NTM: variants seen among roughly 807,000 people sequenced by gnomAD.
NTM encodes the protein IgLON family member 2.
Under a neutral mutation model 42.1 loss-of-function variants are expected in NTM, and 13 were observed. That is an observed-to-expected ratio of 0.31 (90% CI 0.20 to 0.49). NTM has a LOEUF of 0.49. Ranked by LOEUF, NTM falls within the 20% of genes least tolerant of loss-of-function variation. NTM has a pLI of 0.99. For synonymous variants in NTM, 187 were observed against 179.2 expected (o/e 1.04, Z -0.35); for missense variants, 373 against 452.8 (o/e 0.82, Z 1.60).
chr11:131,778,770 G>T (rs2135985906), intron 1 of NTM, among the ~76,000 whole-genome samples: 1 of 152,164 alleles, frequency 6.6e-6, no homozygotes, highest in African/African-American at 2.4e-5. Context: ...GTTAACTATT[G>T]TAGTAGGGAG....
chr11:131,578,914 G>A (rs1032131631), intron 1 of NTM, among the ~76,000 whole-genome samples: 3 of 152,176 alleles, frequency 2.0e-5, no homozygotes, highest in Non-Finnish European at 4.4e-5. Flanking sequence ...GGTTCACAAG[G>A]CCTGGAAGCT....
intron 1 of NTM, among the ~76,000 whole-genome samples, chr11:131,438,356 G>C (rs1949321859): frequency 6.6e-6 from 1 of 151,448 alleles, no homozygotes; most frequent in South Asian, 2.1e-4. Flanking sequence ...AGTTCTCCTG[G>C]ATAATGTCCT....
chr11:131,618,071 A>T (rs184234916), intron 1 of NTM, among the ~76,000 whole-genome samples: 1 of 152,172 alleles, frequency 6.6e-6, no homozygotes, highest in Non-Finnish European at 1.5e-5. Flanking sequence ...CAATCCCAGA[A>T]AGGCTTGAGG....
At chr11:131,901,623 A>G (rs1378529714) in intron 1 of NTM, among the ~76,000 whole-genome samples, 1 of 151,936 alleles carries the variant, frequency 6.6e-6, no homozygotes, top group Non-Finnish European at 1.5e-5. Flanking sequence ...CCCTTGATTT[A>G]TATCTTAGCT....
intron 1 of NTM, among the ~76,000 whole-genome samples, chr11:131,449,030 T>C (rs1171685690): frequency 6.6e-6 from 1 of 152,038 alleles, no homozygotes; most frequent in South Asian, 2.1e-4. Flanking sequence ...GGGCAAAATG[T>C]GGTGGTGAAG....
At chr11:132,141,463 G>A (rs567386626) in intron 2 of NTM, among the ~76,000 whole-genome samples, 1 of 152,248 alleles carries the variant, frequency 6.6e-6, no homozygotes, top group Admixed American at 6.5e-5. Flanking sequence ...AGATATTCAG[G>A]ACACAGAGGG....
At chr11:132,251,410 A>G (rs549003250) in intron 4 of NTM, among the ~76,000 whole-genome samples, 1 of 152,328 alleles carries the variant, frequency 6.6e-6, no homozygotes, top group South Asian at 2.1e-4. Flanking sequence ...AGAAAGATGT[A>G]AACTGTCTCA....
chr11:132,221,315 T>A (rs2085118989), intron 4 of NTM, among the ~76,000 whole-genome samples: 1 of 152,214 alleles, frequency 6.6e-6, no homozygotes, highest in Non-Finnish European at 1.5e-5. Flanking sequence ...ATATCTATTC[T>A]TCACAACTAG....
intron 2 of NTM, among the ~76,000 whole-genome samples, chr11:132,127,250 C>A (rs1292398839): frequency 6.6e-6 from 1 of 152,176 alleles, no homozygotes; most frequent in Admixed American, 6.5e-5. Context: ...TTAAAGCAAC[C>A]CGAACCCAAA....
intron 1 of NTM, among the ~76,000 whole-genome samples, chr11:131,635,462 GA>G (rs981883164): frequency 9.9e-5 from 15 of 152,048 alleles, no homozygotes; most frequent in Admixed American, 5.9e-4. Flanking sequence ...TTTAAAAATA[GA>G]AAAAAACTTA....
chr11:132,072,219 A>ATAC (rs2057773970), intron 2 of NTM, among the ~76,000 whole-genome samples: 1 of 152,224 alleles, frequency 6.6e-6, no homozygotes, highest in African/African-American at 2.4e-5. Flanking sequence ...AGCAGCCAGC[A>ATAC]TACTGTAAAA....
chr11:131,981,876 G>C (rs1383788050), intron 2 of NTM, among the ~76,000 whole-genome samples: 1 of 152,076 alleles, frequency 6.6e-6, no homozygotes, highest in African/African-American at 2.4e-5. Flanking sequence ...GCTGGGCGTG[G>C]TGTCAGGTGC....
At chr11:132,010,612 A>G (rs924757431) in intron 2 of NTM, among the ~76,000 whole-genome samples, 13 of 77,536 alleles carry the variant, frequency 1.7e-4, no homozygotes, top group South Asian at 1.1e-3. Flanking sequence ...GACCATTTCT[A>G]CTGTCTTTTT....
chr11:132,036,118 T>C (rs947324735), intron 2 of NTM, among the ~76,000 whole-genome samples: 1 of 152,208 alleles, frequency 6.6e-6, no homozygotes, highest in Non-Finnish European at 1.5e-5. Flanking sequence ...GTCTGTTTCT[T>C]GTCTTATGCT....
intron 4 of NTM, among the ~76,000 whole-genome samples, chr11:132,262,652 C>T (rs1027660959): frequency 1.3e-5 from 2 of 152,160 alleles, no homozygotes; most frequent in African/African-American, 4.8e-5. Context: ...CTCCCAAATG[C>T]CTCATCTCCT....
intron 1 of NTM, among the ~76,000 whole-genome samples, chr11:131,651,212 G>A (rs2066435336): frequency 6.6e-6 from 1 of 152,156 alleles, no homozygotes; most frequent in African/African-American, 2.4e-5. Flanking sequence ...CTGTGTAGGT[G>A]GTTATTGCAG....
intron 1 of NTM, among the ~76,000 whole-genome samples, chr11:131,873,613 G>GTATATATATACATATATATATACACA (rs1565657930): frequency 2.9e-4 from 10 of 34,956 alleles, no homozygotes; most frequent in African/African-American, 1.3e-3. Flanking sequence ...TATATATACC[G>GTATATATATACATATATATATACACA]TATATATATA....
At chr11:132,150,456 A>T (rs192573157) in intron 3 of NTM, among the ~76,000 whole-genome samples, 1 of 152,326 alleles carries the variant, frequency 6.6e-6, no homozygotes, top group East Asian at 1.9e-4. Flanking sequence ...TAGTGCTATA[A>T]GGGGTTACCA....
At chr11:131,587,084 G>A (rs2058934064) in intron 1 of NTM, among the ~76,000 whole-genome samples, 1 of 152,136 alleles carries the variant, frequency 6.6e-6, no homozygotes, top group Non-Finnish European at 1.5e-5. Flanking sequence ...GACTTGCATT[G>A]TATTATCTCA....
Sources: allele counts gnomAD v4.1 joint callset (sites outside exome capture counted in the v4.1 genomes callset), GRCh38; gene constraint gnomAD v4.1.1; transcripts MANE v1.5; gene names NCBI Gene and HGNC (gene_info 2026-07-23, HGNC 2026-07-21).